The following FRMD4A variants were observed in gnomAD, a reference collection of about 807,000 sequenced individuals.
FRMD4A encodes FERM domain-containing protein 4A.
Under a neutral mutation model 129.1 loss-of-function variants are expected in FRMD4A, and 29 were observed. The observed-to-expected ratio is 0.22, with a 90% CI of 0.17 to 0.31. The LOEUF (loss-of-function observed/expected upper bound fraction) is 0.31. Ranked by LOEUF, FRMD4A falls within the 10% of genes least tolerant of loss-of-function variation. The pLI is 1.00. For missense variants in FRMD4A, 1,272 were observed against 1,375.8 expected (o/e 0.92, Z 1.19); for synonymous variants, 634 against 571.6 (o/e 1.11, Z -1.56).
At chr10:13,945,069 G>A (rs1205898528) in intron 2 of FRMD4A, among the ~76,000 whole-genome samples, 2 of 152,194 alleles carry the variant, frequency 1.3e-5, no homozygotes, top group African/African-American at 2.4e-5. Context: ...TACAATGGGA[G>A]TAACAGAGAA....
intron 6 of FRMD4A, among the ~76,000 whole-genome samples, chr10:13,780,533 A>G (rs2092708359): frequency 6.6e-6 from 1 of 152,212 alleles, no homozygotes; most frequent in Non-Finnish European, 1.5e-5. Context: ...TTGAACAAAC[A>G]TTTTTGTAAA....
chr10:13,930,367 G>T (rs889233678), intron 2 of FRMD4A, among the ~76,000 whole-genome samples: 1 of 152,188 alleles, frequency 6.6e-6, no homozygotes, highest in Non-Finnish European at 1.5e-5. Flanking sequence ...CTACTCTCTG[G>T]CTTCTCCGTT....
intron 3 of FRMD4A, among the ~76,000 whole-genome samples, chr10:13,825,146 AAC>A (rs2093682972): frequency 6.6e-6 from 1 of 152,192 alleles, no homozygotes; most frequent in Non-Finnish European, 1.5e-5. Context: ...GTAAGAGATT[AAC>A]AACCATAACC....
chr10:14,302,429 A>G (rs1425551604), intron 2 of FRMD4A, among the ~76,000 whole-genome samples: 5 of 152,216 alleles, frequency 3.3e-5, no homozygotes, highest in African/African-American at 1.2e-4. Flanking sequence ...AAATAGCATC[A>G]TGGTTAAAAG....
At chr10:13,691,484 T>G (rs2085685198) in intron 15 of FRMD4A, among the ~76,000 whole-genome samples, 1 of 152,158 alleles carries the variant, frequency 6.6e-6, no homozygotes, top group East Asian at 1.9e-4. Context: ...TCTATGAGCC[T>G]GGGCAACACA....
intron 5 of FRMD4A, among the ~76,000 whole-genome samples, chr10:13,786,229 G>A (rs1308557381): frequency 1.3e-5 from 2 of 152,188 alleles, no homozygotes; most frequent in Non-Finnish European, 2.9e-5. Flanking sequence ...CTAGTTTACA[G>A]TCCCACCAAC....
At chr10:13,802,003 C>CAAAAAAAAAAAAAA (rs11426622) in intron 4 of FRMD4A, among the ~76,000 whole-genome samples, 4 of 109,486 alleles carry the variant, frequency 3.7e-5, no homozygotes, top group Non-Finnish European at 3.6e-5. Flanking sequence ...AATAATAATG[C>CAAAAAAAAAAAAAA]AAAAAAAAAA....
At chr10:13,936,673 T>C (rs1006731393) in intron 2 of FRMD4A, among the ~76,000 whole-genome samples, 3 of 152,152 alleles carry the variant, frequency 2.0e-5, no homozygotes, top group African/African-American at 7.2e-5. Flanking sequence ...TCACAGGCCC[T>C]AGAATGGTAG....
intron 2 of FRMD4A, among the ~76,000 whole-genome samples, chr10:13,930,783 CT>C (rs1441680153): frequency 6.6e-6 from 1 of 152,120 alleles, no homozygotes; most frequent in Non-Finnish European, 1.5e-5. Flanking sequence ...AGCAGTGGTT[CT>C]TAACCTAAAT....
At chr10:13,908,900 C>G (rs2094911059) in intron 2 of FRMD4A, among the ~76,000 whole-genome samples, 1 of 152,182 alleles carries the variant, frequency 6.6e-6, no homozygotes, top group African/African-American at 2.4e-5. Flanking sequence ...AAAAGATTCA[C>G]TGATTATCTA....
intron 2 of FRMD4A, among the ~76,000 whole-genome samples, chr10:14,185,132 T>A (rs1842046156): frequency 6.6e-6 from 1 of 152,206 alleles, no homozygotes; most frequent in South Asian, 2.1e-4. Context: ...CTGAACAGGT[T>A]TTCCCAGGCA....
intron 2 of FRMD4A, among the ~76,000 whole-genome samples, chr10:13,928,070 G>A (rs2095154269): frequency 6.8e-6 from 1 of 147,022 alleles, no homozygotes; most frequent in South Asian, 2.2e-4. Flanking sequence ...GCTGAGGCTG[G>A]AGTGCAGTGG....
intron 2 of FRMD4A, among the ~76,000 whole-genome samples, chr10:14,183,673 A>G (rs550772208): frequency 6.6e-6 from 1 of 152,336 alleles, no homozygotes; most frequent in South Asian, 2.1e-4. Flanking sequence ...AAACCTGGAA[A>G]TGCACTCTAT....
chr10:14,146,018 C>A (rs1840056895), intron 2 of FRMD4A, among the ~76,000 whole-genome samples: 1 of 152,182 alleles, frequency 6.6e-6, no homozygotes, highest in Non-Finnish European at 1.5e-5. Flanking sequence ...AGAATCATTG[C>A]AAACGGCTTA....
At chr10:13,859,822 G>A (rs991640854) in intron 2 of FRMD4A, among the ~76,000 whole-genome samples, 3 of 152,080 alleles carry the variant, frequency 2.0e-5, no homozygotes, top group Admixed American at 6.5e-5. Flanking sequence ...ATCCAACCCC[G>A]TCCCTTGTGC....
chr10:14,315,362 C>T (rs1345994831), intron 2 of FRMD4A, among the ~76,000 whole-genome samples: 1 of 152,174 alleles, frequency 6.6e-6, no homozygotes, highest in Non-Finnish European at 1.5e-5. Context: ...TATCATTAGT[C>T]CTTAGAAACC....
chr10:14,192,851 G>C (rs1296700828), intron 2 of FRMD4A, among the ~76,000 whole-genome samples: 1 of 152,186 alleles, frequency 6.6e-6, no homozygotes, highest in Non-Finnish European at 1.5e-5. Context: ...GGTCACAAAG[G>C]ATGATTTATT....
chr10:13,699,222 T>TTG (rs1564637870), intron 14 of FRMD4A, among the ~76,000 whole-genome samples: 1 of 122,530 alleles, frequency 8.2e-6, no homozygotes, highest in Non-Finnish European at 1.8e-5. Flanking sequence ...TGCTTGGTTA[T>TTG]TGTTTTTTTT....
rs919309324 is a variant in FRMD4A at position 13,737,913 on chromosome 10, T to A, written c.690A>T (p.Pro230=). 4 of 1,596,270 alleles carry A rather than the reference T, an allele frequency of 2.5e-6. No individual in the cohort carries two copies. Among genetic ancestry groups the A allele is most frequent in the Admixed American group, 3.3e-5 (2 of 59,920 alleles). ...CTTTGTAGCTCAGGCCCAGCCACCA[T>A]GGTATGCCCTGCTTGTCCTAGGATA... is the stretch of plus-strand genomic sequence containing the variant. ...YYAVKDKQGI[P]WWLGLSYKGI... The change falls in exon 12 of 25, where the codon CCA becomes CCT. Residue 230 remains proline (P), a synonymous_variant. Coordinates refer to ENST00000357447, the MANE Select transcript of FRMD4A (RefSeq NM_018027.5).
Sources: allele counts gnomAD v4.1 joint callset (sites outside exome capture counted in the v4.1 genomes callset), GRCh38; gene constraint gnomAD v4.1.1; transcripts MANE v1.5; gene names NCBI Gene and HGNC (gene_info 2026-07-23, HGNC 2026-07-21).